The following PKNOX1 variants were observed in gnomAD, a reference collection of about 807,000 sequenced individuals.
PKNOX1 encodes the protein homeobox protein PKNOX1.
PKNOX1 carries 15 observed loss-of-function variants against 51.9 expected under a neutral mutation model. That is an observed-to-expected ratio of 0.29 (90% CI 0.19 to 0.45). The LOEUF (loss-of-function observed/expected upper bound fraction) is 0.45, where lower values mean the gene tolerates loss of function less well. Among genes scored for constraint, PKNOX1 ranks in the 20% least tolerant of loss-of-function variants. The pLI, the probability that PKNOX1 is intolerant of heterozygous loss-of-function variation, is 1.00. For missense variants in PKNOX1, 462 were observed against 547.5 expected (o/e 0.84, Z 1.56); for synonymous variants, 219 against 211.1 (o/e 1.04, Z -0.32).
In PKNOX1 at chr21:43,033,173, G is replaced by A. The variant is rs1003586768; in HGVS notation, c.*3072G>A. 1.3e-5 allele frequency: 2 copies of A among 152,190 alleles called. No individual in the cohort carries two copies. Among genetic ancestry groups the A allele is most frequent in the African/African-American group, 4.8e-5 (2 of 41,434 alleles). 9.4% of individuals were successfully genotyped at this position (152,190 alleles called of 1,614,324 possible). ...CTGGGTTCCAGCTCGCTCCCACCGA[G>A]GGACTAGCTTGGCCTTTGCGCTTTG... is the stretch of plus-strand genomic sequence containing the variant. On this transcript the variant is annotated 3_prime_UTR_variant, in exon 11 of 11. Coordinates refer to ENST00000291547, the MANE Select transcript of PKNOX1 (RefSeq NM_004571.5).
intron 1 of PKNOX1, 66 bp from the exon 2 acceptor site, chr21:43,004,260 T>C: frequency 2.9e-6 from 2 of 690,088 alleles, no homozygotes; most frequent in East Asian, 5.4e-5. Flanking sequence ...TTTGATGTTA[T>C]GGAATGAGGG....
At chr21:42,981,154 A>G (rs1277191992) in intron 1 of PKNOX1, among the ~76,000 whole-genome samples, 2 of 152,194 alleles carry the variant, frequency 1.3e-5, no homozygotes, top group Non-Finnish European at 2.9e-5. Context: ...TGTCTTGTGT[A>G]CACTGTTCAG....
At chr21:42,976,232 TAGCA>T (rs773775951) in intron 1 of PKNOX1, among the ~76,000 whole-genome samples, 5 of 152,216 alleles carry the variant, frequency 3.3e-5, no homozygotes, top group Non-Finnish European at 5.9e-5. Context: ...AAGTGTGCAA[TAGCA>T]AGCATTATAT....
chr21:43,017,933 G>T (rs1979564547), intron 6 of PKNOX1, 200 bp from the exon 7 acceptor site: 1 of 524,682 alleles, frequency 1.9e-6, no homozygotes, highest in East Asian at 3.2e-5. Context: ...AAGAGGGCTG[G>T]TCGCAGTGCC....
intron 7 of PKNOX1, among the ~76,000 whole-genome samples, chr21:43,019,225 T>C (rs1308962481): frequency 6.6e-6 from 1 of 151,170 alleles, no homozygotes; most frequent in Non-Finnish European, 1.5e-5. Context: ...GAACCCCGTC[T>C]CTACTAAAGA....
At chr21:42,989,633 G>C (rs2059075263) in intron 1 of PKNOX1, among the ~76,000 whole-genome samples, 1 of 152,026 alleles carries the variant, frequency 6.6e-6, no homozygotes, top group Non-Finnish European at 1.5e-5. Flanking sequence ...TGGCCAGGCT[G>C]GTCTTGAACT....
At position 43,031,395 on chromosome 21, in the gene PKNOX1, T is replaced by A. The variant is rs912166381; in HGVS notation, c.*1294T>A. The A allele has an allele frequency of 1.8e-4, 28 of 152,434 alleles. No homozygotes were observed. The highest frequency in any genetic ancestry group is 6.7e-4 in the African/African-American group (28 of 41,584). The allele number at this position is 152,434 out of a possible 1,614,324, so 9.4% of individuals were successfully genotyped here. A position where few individuals can be genotyped will look rare whatever the true frequency, so the allele number is the denominator to read the frequency against. On this transcript the variant is annotated 3_prime_UTR_variant, in exon 11 of 11. Transcript: ENST00000291547. The stretch of plus-strand genomic sequence containing the variant: ...CTGGTGTCAGTGTTCTCTTGTACGT[T>A]GTTGCTTTCGACTTTTCAGAGCCCT...
chr21:43,007,700 G>A, intron 3 of PKNOX1, 82 bp downstream of exon 3: 1 of 1,496,754 alleles, frequency 6.7e-7, no homozygotes. Context: ...ACCAGAACTA[G>A]TAGCGAGGCA....
chr21:42,992,454 T>C (rs1005051303), intron 1 of PKNOX1, among the ~76,000 whole-genome samples: 1 of 152,164 alleles, frequency 6.6e-6, no homozygotes, highest in Non-Finnish European at 1.5e-5. Flanking sequence ...GTCACACTGT[T>C]AGTGGCAAAA....
intron 10 of PKNOX1, among the ~76,000 whole-genome samples, chr21:43,029,420 C>CTTTTTTTT (rs1568906878): frequency 2.7e-4 from 24 of 87,502 alleles, no homozygotes; most frequent in South Asian, 7.8e-4. Flanking sequence ...TATTTGTTTG[C>CTTTTTTTT]TTTGTTTTTT....
At chr21:42,993,818 C>T (rs1189033655) in intron 1 of PKNOX1, among the ~76,000 whole-genome samples, 5 of 150,280 alleles carry the variant, frequency 3.3e-5, no homozygotes, top group East Asian at 3.9e-4. Flanking sequence ...CAGCAGCCTC[C>T]GCTTCCCGGG....
intron 1 of PKNOX1, among the ~76,000 whole-genome samples, chr21:42,988,735 C>T (rs1386724364): frequency 6.6e-6 from 1 of 152,084 alleles, no homozygotes; most frequent in Non-Finnish European, 1.5e-5. Flanking sequence ...GCCACTGGGA[C>T]AGCAGGGCAG....
intron 1 of PKNOX1, among the ~76,000 whole-genome samples, chr21:42,987,404 AAT>A (rs1170402960): frequency 0.06 from 2,479 of 41,220 alleles, 131 homozygotes; most frequent in Non-Finnish European, 0.093. Context: ...AAAAAAAAAA[AAT>A]ATATATATAT....
chr21:43,010,309 G>T (rs1979194069), intron 4 of PKNOX1, 85 bp downstream of exon 4: 1 of 714,678 alleles, frequency 1.4e-6, no homozygotes, highest in African/African-American at 1.8e-5. Context: ...ACTTTAGACT[G>T]CTTGTAGTTC....
At chr21:43,028,914 G>A in intron 10 of PKNOX1, 40 bp downstream of exon 10, 1 of 1,602,836 alleles carries the variant, frequency 6.2e-7, no homozygotes, top group East Asian at 2.2e-5. Flanking sequence ...GTGGACCATG[G>A]GGTGGGGATT....
chr21:42,998,392 ATTGT>A (rs1978603682), intron 1 of PKNOX1, among the ~76,000 whole-genome samples: 1 of 152,140 alleles, frequency 6.6e-6, no homozygotes, highest in Non-Finnish European at 1.5e-5. Context: ...CAACCATATC[ATTGT>A]GCCCCTGCCC....
intron 1 of PKNOX1, among the ~76,000 whole-genome samples, chr21:42,982,764 A>G (rs1365854371): frequency 6.6e-6 from 1 of 152,032 alleles, no homozygotes; most frequent in Admixed American, 6.6e-5. Flanking sequence ...TAAACATTAA[A>G]TTGCTAAACT....
chr21:43,023,902 C>T (rs1038208585), intron 8 of PKNOX1, among the ~76,000 whole-genome samples: 2 of 151,874 alleles, frequency 1.3e-5, no homozygotes, highest in African/African-American at 4.8e-5. Context: ...GCGTGAGCCA[C>T]CACACCTGGC....
chr21:43,023,879 A>G (rs1196744920), intron 8 of PKNOX1, among the ~76,000 whole-genome samples: 5 of 149,710 alleles, frequency 3.3e-5, no homozygotes, highest in Non-Finnish European at 7.4e-5. Context: ...CTCCCAAAGT[A>G]CTGGGATTAC....
Sources: gnomAD v4.1 joint callset for allele counts (sites outside exome capture counted in the v4.1 genomes callset) on GRCh38, gnomAD v4.1.1 for gene constraint, MANE v1.5 for transcripts, NCBI Gene and HGNC (gene_info 2026-07-23, HGNC 2026-07-21) for gene names.